PRKCD: variants seen among roughly 807,000 people sequenced by gnomAD.
PRKCD encodes the protein protein kinase C delta.
PRKCD carries 20 observed loss-of-function variants against 82.2 expected under a neutral mutation model. The ratio of observed to expected loss-of-function variants is 0.24; its 90% CI spans 0.17 to 0.35. PRKCD has a LOEUF of 0.35. PRKCD is among the 10% of genes least tolerant of loss of function. The pLI, the probability that PRKCD is intolerant of heterozygous loss-of-function variation, is 1.00. For missense variants in PRKCD, 607 were observed against 899.0 expected (o/e 0.68, Z 4.15); for synonymous variants, 317 against 337.0 (o/e 0.94, Z 0.65).
At position 53,186,100 on chromosome 3, in the gene PRKCD, A is replaced by G. The variant is rs1703672119; in HGVS notation, c.1087-67A>G. Reference sequence around the variant, plus strand: ...TTCCCGCTTAGGTGGCTGAGGTGGGAGTCTGTGAATCGGGCTGTGGCCCCT... The same window carrying G: ...TTCCCGCTTAGGTGGCTGAGGTGGGGGTCTGTGAATCGGGCTGTGGCCCCT... On this transcript the variant is annotated intron_variant, in intron 12 of 18. Transcript: ENST00000330452. The G allele has an allele frequency of 2.5e-6, 4 of 1,608,366 alleles. No individual in the cohort carries two copies. The African/African-American group carries it at 5.3e-5, about 22-fold the overall frequency.
rs931952541 is a variant in PRKCD at position 53,192,412 on chromosome 3, C to G, written c.*146C>G. The G allele has an allele frequency of 8.2e-6, 7 of 853,948 alleles. No individual in the cohort carries two copies. Among genetic ancestry groups the G allele is most frequent in the Non-Finnish European group, 1.3e-5 (7 of 542,318 alleles). The allele number at this position is 853,948 out of a possible 1,614,324, so 52.9% of individuals were successfully genotyped here. ...CTTGGCTGCCGTCTGGCCGGGCTCT[C>G]ATGGTACTTCCTCTGTGAACTGTGT... On this transcript the variant is annotated 3_prime_UTR_variant, in exon 19 of 19. Transcript: ENST00000330452.
chr3:53,173,253 C>T (rs372239871), intron 2 of PRKCD, among the ~76,000 whole-genome samples: 4 of 152,148 alleles, frequency 2.6e-5, no homozygotes, highest in Admixed American at 6.6e-5. Context: ...CTTCTGTGCC[C>T]GGGAGCTCCA....
chr3:53,185,632 C>T lies in PRKCD; in HGVS notation c.917C>T (p.Ser306Phe), dbSNP rs782756777. The change falls in exon 11 of 19, where the codon TCC (serine) becomes TTC (phenylalanine). Residue 306 changes from serine (S) to phenylalanine (F), a missense_variant. By Grantham distance (155) the Ser-to-Phe change is radical (BLOSUM62 -2). Coordinates refer to ENST00000330452, the MANE Select transcript of PRKCD (RefSeq NM_006254.4). ...GCCTCCCGGAGATCAGACTCAGCCT[C>T]CTCAGAGCCTGTTGGGATATATCAG... is the stretch of plus-strand genomic sequence containing the variant. ...QRASRRSDSA[S>F]SEPVGIYQGF... is the part of the protein sequence containing the mutation. The T allele has an allele frequency of 3.7e-6, 6 of 1,613,480 alleles. No homozygotes were observed. In the South Asian group the frequency reaches 5.5e-5, roughly 15 times the overall value.
At chr3:53,179,322 C>T in intron 3 of PRKCD, 1 of 587,842 alleles carries the variant, frequency 1.7e-6, no homozygotes, top group Non-Finnish European at 3.1e-6. Context: ...TGCATGAATG[C>T]ATAAGGGCAG....
In PRKCD at chr3:53,192,301, AC is replaced by A; in HGVS notation, c.*38del. Reference sequence around the variant, plus strand: ...ACAGATCAGGCTAGCCCTGCCCTCCACCCACACCTGCCCGCTCCCCACGATA... The same window carrying A: ...ACAGATCAGGCTAGCCCTGCCCTCCACCACACCTGCCCGCTCCCCACGATA... On this transcript the variant is annotated 3_prime_UTR_variant, in exon 19 of 19. Coordinates refer to ENST00000330452, the MANE Select transcript of PRKCD (RefSeq NM_006254.4). The A allele has an allele frequency of 6.2e-7, 1 of 1,607,152 alleles. No individual in the cohort carries two copies. Among genetic ancestry groups the A allele is most frequent in the Non-Finnish European group, 8.5e-7 (1 of 1,174,682 alleles).
At chr3:53,189,488 A>C (rs1191453148) in intron 17 of PRKCD, among the ~76,000 whole-genome samples, 5 of 152,334 alleles carry the variant, frequency 3.3e-5, no homozygotes, top group African/African-American at 1.2e-4. Context: ...CCCGAGGCCA[A>C]ATGCTGGCTC....
At chr3:53,189,754 C>G (rs1380827658) in intron 17 of PRKCD, 119 bp from the exon 18 acceptor site, 3 of 1,447,918 alleles carry the variant, frequency 2.1e-6, no homozygotes, top group South Asian at 2.5e-5. Context: ...CCACCGTTCC[C>G]CAGGCTGACT....
In PRKCD at chr3:53,178,537, G is replaced by A; in HGVS notation, c.115G>A (p.Glu39Lys). ...GAAGATGAAGGAGGCGCTCAGCACA[G>A]GTAGGCCTGGAGGCTGGACCCTGGA... Reference protein sequence around the residue: ...AVKMKEALSTERGKTLVQKKP... With the variant: ...AVKMKEALSTKRGKTLVQKKP... The change falls in exon 3 of 19, where the codon GAG (glutamate) becomes AAG (lysine). Residue 39 changes from glutamate (E) to lysine (K), a missense_variant and splice_region_variant. Glu to Lys is a moderately conservative substitution (Grantham distance 56). Transcript: ENST00000330452. The A allele has an allele frequency of 5.6e-6, 9 of 1,611,750 alleles. No homozygotes were observed. The highest frequency in any genetic ancestry group is 6.8e-6 in the Non-Finnish European group (8 of 1,179,158).
At chr3:53,170,443 C>T (rs1702981379) in intron 2 of PRKCD, among the ~76,000 whole-genome samples, 1 of 152,250 alleles carries the variant, frequency 6.6e-6, no homozygotes, top group Non-Finnish European at 1.5e-5. Flanking sequence ...CCCTCCCCTC[C>T]CCCTGCGCGC....
In PRKCD at chr3:53,184,992, G is replaced by T. The variant is rs1553668681; in HGVS notation, c.888+18G>T. 1 of 1,607,596 alleles carries T rather than the reference G, an allele frequency of 6.2e-7. No individual in the cohort carries two copies. ...TCACCCAGGTGGGCAGGTGCCATGG[G>T]GACCCTGGACACAGGGCAGTGGGGT... On this transcript the variant is annotated intron_variant, in intron 10 of 18. Coordinates refer to ENST00000330452, the MANE Select transcript of PRKCD (RefSeq NM_006254.4).
chr3:53,163,810 G>A (rs1380048418), intron 1 of PRKCD, among the ~76,000 whole-genome samples: 1 of 152,042 alleles, frequency 6.6e-6, no homozygotes, highest in Non-Finnish European at 1.5e-5. Context: ...GCTTGAGGGA[G>A]GGGGGATGCC....
intron 18 of PRKCD, 111 bp downstream of exon 18, chr3:53,190,112 C>T: frequency 6.8e-7 from 1 of 1,468,526 alleles, no homozygotes; most frequent in Non-Finnish European, 9.4e-7. Context: ...CAGCAATCTC[C>T]ATAGCATGTT....
intron 2 of PRKCD, among the ~76,000 whole-genome samples, chr3:53,167,873 A>G (rs1553664151): frequency 6.6e-6 from 1 of 152,170 alleles, no homozygotes; most frequent in African/African-American, 2.4e-5. Context: ...GCAGTGCCCT[A>G]CTTGTTCAGT....
Position 53,192,321 on chromosome 3 carries a change from C to A in PRKCD, c.*55C>A. On this transcript the variant is annotated 3_prime_UTR_variant, in exon 19 of 19. Transcript: ENST00000330452. Reference sequence around the variant, plus strand: ...CCTCCACCCACACCTGCCCGCTCCCCACGATAAGCACCAGTGGGACTGTGG... The same window carrying A: ...CCTCCACCCACACCTGCCCGCTCCCAACGATAAGCACCAGTGGGACTGTGG... 6.3e-7 allele frequency: 1 copy of A among 1,588,282 alleles called. No individual in the cohort carries two copies. Among genetic ancestry groups the A allele is most frequent in the East Asian group, 2.2e-5 (1 of 44,536 alleles).
At chr3:53,182,323 CA>C (rs1703476878) in intron 7 of PRKCD, among the ~76,000 whole-genome samples, 1 of 151,890 alleles carries the variant, frequency 6.6e-6, no homozygotes, top group Non-Finnish European at 1.5e-5. Context: ...AGCTAGAGTG[CA>C]GTTGTGCGAT....
rs577826303 is a variant in PRKCD, at chr3:53,184,526, T to C, written c.788-348T>C. Among the ~76,000 whole-genome samples the C allele has an allele frequency of 5.3e-5, 8 of 151,508 alleles. No individual in the cohort carries two copies. The South Asian group carries it at 1.7e-3, about 32-fold the overall frequency. The stretch of plus-strand genomic sequence containing the variant: ...CCCCGTCTCTACTAAAAATACAAAA[T>C]TAGCCGGATATGGTGGCGCATGCCT... On this transcript the variant is annotated intron_variant, in intron 9 of 18. Coordinates refer to ENST00000330452, the MANE Select transcript of PRKCD (RefSeq NM_006254.4).
chr3:53,188,819 C>T lies in PRKCD; in HGVS notation c.1515C>T (p.Ala505=), dbSNP rs1553670061. The change falls in exon 16 of 19, where the codon GCC becomes GCT. Residue 505 remains alanine, a synonymous_variant. Coordinates refer to ENST00000330452, the MANE Select transcript of PRKCD (RefSeq NM_006254.4). ...AGAACATATTCGGGGAGAGCCGGGCCAGCACCTTCTGCGGCACCCCTGACT... is the reference window on the plus strand; with the variant it reads ...AGAACATATTCGGGGAGAGCCGGGCTAGCACCTTCTGCGGCACCCCTGACT... The part of the protein sequence containing the change: ...CKENIFGESR[A]STFCGTPDYI... 5 of 1,614,068 alleles carry T rather than the reference C, an allele frequency of 3.1e-6. No homozygotes were observed. Among genetic ancestry groups the T allele is most frequent in the East Asian group, 2.2e-5 (1 of 44,888 alleles).
intron 6 of PRKCD, 33 bp downstream of exon 6, chr3:53,181,639 C>T (rs372778250): frequency 8.7e-6 from 14 of 1,613,846 alleles, no homozygotes; most frequent in Non-Finnish European, 1.1e-5. Flanking sequence ...GGTGGTGGTG[C>T]AGGGTAGTGG....
rs6786413 is a variant in PRKCD, at chr3:53,169,350, C to T, written c.-20+4135C>T. On this transcript the variant is annotated intron_variant, in intron 2 of 18. Coordinates refer to ENST00000330452, the MANE Select transcript of PRKCD (RefSeq NM_006254.4). This position sits in a 1 kb window ranked among gnomAD's most constrained non-coding sequence, Gnocchi z 4.7. Reference sequence around the variant, plus strand: ...AGCCAGGATTGGGGAGGAGAGGGCTCAACAGGCCTTCTAAGGGGTGGGGGA... The same window carrying T: ...AGCCAGGATTGGGGAGGAGAGGGCTTAACAGGCCTTCTAAGGGGTGGGGGA... Among the ~76,000 whole-genome samples, 2,952 of 152,076 alleles carry T rather than the reference C, an allele frequency of 0.019. 98 individuals are homozygous for T. Among genetic ancestry groups the T allele is most frequent in the African/African-American group, 0.068 (2,818 of 41,456 alleles).
Sources: gnomAD v4.1 joint callset for allele counts (sites outside exome capture counted in the v4.1 genomes callset) on GRCh38, gnomAD v4.1.1 for gene constraint, Gnocchi (gnomAD v3.1) non-coding constraint, MANE v1.5 for transcripts, NCBI Gene and HGNC (gene_info 2026-07-23, HGNC 2026-07-21) for gene names.